The following NOX4 variants were observed in gnomAD, a reference collection of about 807,000 sequenced individuals.
The protein encoded by NOX4 is NADPH oxidase 4.
In NOX4, 69 loss-of-function variants were observed where a neutral mutation model predicts 87.6. The ratio of observed to expected loss-of-function variants is 0.79; its 90% confidence interval spans 0.65 to 0.96. NOX4 has a LOEUF of 0.96. NOX4 is among the 40% of genes least tolerant of loss of function. The pLI is 0.00. For missense variants in NOX4, 680 were observed against 681.5 expected (o/e 1.00, Z 0.02); for synonymous variants, 275 against 238.2 (o/e 1.15, Z -1.42).
intron 13 of NOX4, among the ~76,000 whole-genome samples, chr11:89,346,942 C>T (rs1333745109): frequency 1.3e-5 from 2 of 152,154 alleles, no homozygotes; most frequent in South Asian, 2.1e-4. Context: ...ATCCTACTTG[C>T]GTAGTTTTGC....
At chr11:89,348,343 A>C (rs903669022) in intron 13 of NOX4, among the ~76,000 whole-genome samples, 1 of 152,072 alleles carries the variant, frequency 6.6e-6, no homozygotes, top group African/African-American at 2.4e-5. Flanking sequence ...TGAATCTGGG[A>C]GGCAGAAGCT....
chr11:89,528,027 C>G, the NOX4 span, among the ~76,000 whole-genome samples: 755 of 152,338 alleles, frequency 5.0e-3, 3 homozygotes, highest in African/African-American at 0.01. Context: ...AGGGATGAAG[C>G]TGCCCAAGAC....
intron 2 of NOX4, 78 bp downstream of exon 2, chr11:89,490,380 T>C (rs1946801751): frequency 2.1e-6 from 2 of 971,134 alleles, no homozygotes; most frequent in Non-Finnish European, 3.3e-6. Flanking sequence ...CTTTAATGAA[T>C]GGAACTGACC....
the NOX4 span, among the ~76,000 whole-genome samples, chr11:89,513,630 G>A: frequency 6.6e-6 from 1 of 151,930 alleles, no homozygotes; most frequent in African/African-American, 2.4e-5. Flanking sequence ...TTAGTTCTGT[G>A]CCTCTAGAGA....
At chr11:89,444,360 A>G (rs1944590498) in intron 4 of NOX4, 128 bp from the exon 5 acceptor site, 5 of 716,202 alleles carry the variant, frequency 7.0e-6, no homozygotes, top group Non-Finnish European at 1.2e-5. Context: ...ATGAAATATT[A>G]CATTGAAAGG....
At chr11:89,559,923 A>T in the NOX4 span, among the ~76,000 whole-genome samples, 3 of 152,100 alleles carry the variant, frequency 2.0e-5, no homozygotes, top group African/African-American at 7.2e-5. Context: ...CATCATGCTG[A>T]TGCTCTCCAT....
chr11:89,365,211 C>A (rs777735530), intron 12 of NOX4, among the ~76,000 whole-genome samples: 80 of 152,022 alleles, frequency 5.3e-4, no homozygotes, highest in Non-Finnish European at 9.6e-4. Context: ...TTAATGGATC[C>A]TTTTATTTCC....
chr11:89,534,268 T>C, the NOX4 span, among the ~76,000 whole-genome samples: 1 of 152,226 alleles, frequency 6.6e-6, no homozygotes. Context: ...ACACCTGAAG[T>C]TTATGAGCTG....
the NOX4 span, among the ~76,000 whole-genome samples, chr11:89,566,073 C>T: frequency 9.0e-5 from 13 of 144,276 alleles, no homozygotes; most frequent in African/African-American, 1.6e-4. Flanking sequence ...GACAGAGTTG[C>T]GCTCTGTCGC....
intron 2 of NOX4, among the ~76,000 whole-genome samples, chr11:89,489,470 G>A (rs1319586128): frequency 2.6e-5 from 4 of 152,166 alleles, no homozygotes; most frequent in East Asian, 3.8e-4. Flanking sequence ...GCTCACGCCT[G>A]TAATTTCAGC....
chr11:89,450,655 C>G (rs371702105), intron 3 of NOX4, among the ~76,000 whole-genome samples: 1 of 151,698 alleles, frequency 6.6e-6, no homozygotes, highest in African/African-American at 2.4e-5. Flanking sequence ...ATGTGCCATG[C>G]TGGTGTGCTG....
At chr11:89,337,361 C>G in intron 16 of NOX4, 86 bp downstream of exon 16, 1 of 1,585,816 alleles carries the variant, frequency 6.3e-7, no homozygotes, top group South Asian at 1.1e-5. Flanking sequence ...TTCGAACCAC[C>G]TGCAGGAATT....
Position 89,335,868 on chromosome 11 carries a change from A to T in NOX4, c.1593T>A (p.Asp531Glu), listed in dbSNP as rs1945684670. 6.3e-7 allele frequency: 1 copy of T among 1,598,088 alleles called. No individual in the cohort carries two copies. Among genetic ancestry groups the T allele is most frequent in the East Asian group, 2.3e-5 (1 of 44,376 alleles). The part of the protein sequence containing the change: ...IGRPRWKLLF[D>E]EIAKYNRGKT... ...ACCCTCTGTTATATTTTGCTATTTC[A>T]TCAAACAAAAGTTTCCACCGAGGAC... Residue 531 changes from aspartate to glutamate, a missense_variant, in exon 17 of 18, where the codon GAT becomes GAA. Transcript: ENST00000263317.
intron 2 of NOX4, among the ~76,000 whole-genome samples, chr11:89,467,592 C>A (rs1945762331): frequency 6.6e-6 from 1 of 152,116 alleles, no homozygotes; most frequent in Non-Finnish European, 1.5e-5. Flanking sequence ...AGCATCCTCA[C>A]ATGGTCACTA....
At chr11:89,579,512 A>G in the NOX4 span, among the ~76,000 whole-genome samples, 1 of 152,156 alleles carries the variant, frequency 6.6e-6, no homozygotes, top group Non-Finnish European at 1.5e-5. Context: ...GCCATAGAAT[A>G]TACAACATAA....
chr11:89,489,690 T>C (rs1436070710), intron 2 of NOX4, among the ~76,000 whole-genome samples: 1 of 145,364 alleles, frequency 6.9e-6, no homozygotes, highest in African/African-American at 2.5e-5. Context: ...ATCACTCCAC[T>C]GCACTCCAGC....
chr11:89,533,799 T>C, the NOX4 span: 4 of 152,222 alleles, frequency 2.6e-5, no homozygotes, highest in Admixed American at 2.6e-4. Context: ...GTAAAGACTG[T>C]TGATTCTACA....
chr11:89,574,635 T>A, the NOX4 span, among the ~76,000 whole-genome samples: 1 of 152,236 alleles, frequency 6.6e-6, no homozygotes, highest in Non-Finnish European at 1.5e-5. Context: ...CTGGACTAGA[T>A]CTCTAAGAAT....
intron 11 of NOX4, among the ~76,000 whole-genome samples, chr11:89,382,534 C>T (rs1159372903): frequency 6.6e-6 from 1 of 152,060 alleles, no homozygotes; most frequent in Non-Finnish European, 1.5e-5. Context: ...CCAAATCCTT[C>T]CTTCCCTCCC....
Sources: allele counts gnomAD v4.1 joint callset (sites outside exome capture counted in the v4.1 genomes callset), GRCh38; gene constraint gnomAD v4.1.1; transcripts MANE v1.5; gene names NCBI Gene and HGNC (gene_info 2026-07-23, HGNC 2026-07-21).